BMP7: variants seen among roughly 807,000 people sequenced by gnomAD.
BMP7 encodes the protein bone morphogenetic protein 7, also known as osteogenic protein 1.
In BMP7, 12 loss-of-function variants were observed where a neutral mutation model predicts 41.2. The ratio of observed to expected loss-of-function variants is 0.29; its 90% CI spans 0.19 to 0.47. The LOEUF is 0.47. BMP7 is among the 20% of genes least tolerant of loss of function. The pLI is 0.99. For synonymous variants in BMP7, 248 were observed against 250.0 expected, an observed-to-expected ratio of 0.99 and a Z score of 0.07; for missense variants, 467 against 606.0, an observed-to-expected ratio of 0.77 and a Z score of 2.41.
Position 57,183,773 on chromosome 20 carries a change from G to A in BMP7, c.907C>T (p.Arg303Cys), listed in dbSNP as rs770634021. The A allele has an allele frequency of 1.3e-5, 21 of 1,614,078 alleles. No individual in the cohort carries two copies. The highest frequency in any genetic ancestry group is 2.2e-5 in the South Asian group (2 of 91,088). ...STGSKQRSQN[R>C]SKTPKNQEAL... ...TCCTGGTTCTTGGGCGTCTTGGAGC[G>A]GTTCTGGCTGCGCTGTTTGCTCCCC... The change falls in exon 4 of 7, where the codon CGC becomes TGC. Residue 303 changes from arginine to cysteine, a missense_variant. Transcript: ENST00000395863.
chr20:57,194,379 GCA>G (rs1225854088), intron 3 of BMP7, among the ~76,000 whole-genome samples: 2 of 152,172 alleles, frequency 1.3e-5, no homozygotes, highest in African/African-American at 4.8e-5. Flanking sequence ...CACAGTCGAT[GCA>G]CAGTCAGGAA....
At chr20:57,209,249 T>TATATTTATATATATA (rs1555814048) in intron 2 of BMP7, among the ~76,000 whole-genome samples, 1 of 94,876 alleles carries the variant, frequency 1.1e-5, no homozygotes. Context: ...TTATATATTT[T>TATATTTATATATATA]TATATATATA....
intron 4 of BMP7, among the ~76,000 whole-genome samples, chr20:57,176,441 G>A (rs1983923677): frequency 6.6e-6 from 1 of 152,186 alleles, no homozygotes; most frequent in Admixed American, 6.5e-5. Context: ...TGGCTGCCCT[G>A]TGAAGGCTCA....
chr20:57,250,954 G>A (rs1311968747), intron 1 of BMP7, among the ~76,000 whole-genome samples: 1 of 152,220 alleles, frequency 6.6e-6, no homozygotes, highest in Non-Finnish European at 1.5e-5. Flanking sequence ...CAGCTGCCCT[G>A]ATCCAAGTCC....
intron 1 of BMP7, among the ~76,000 whole-genome samples, chr20:57,239,379 C>T (rs1467900074): frequency 6.6e-6 from 1 of 152,212 alleles, no homozygotes; most frequent in East Asian, 1.9e-4. Context: ...AGGTGGCTTC[C>T]CATGGTCTTA....
At chr20:57,223,608 T>G (rs1451356653) in intron 2 of BMP7, among the ~76,000 whole-genome samples, 1 of 152,170 alleles carries the variant, frequency 6.6e-6, no homozygotes, top group Non-Finnish European at 1.5e-5. Context: ...TTGGGCAAGT[T>G]ACTTCCCACC....
At chr20:57,198,491 C>T (rs967372427) in intron 3 of BMP7, among the ~76,000 whole-genome samples, 1 of 152,238 alleles carries the variant, frequency 6.6e-6, no homozygotes, top group Non-Finnish European at 1.5e-5. Context: ...GCTCCCCGCT[C>T]GGCCTCCTCC....
chr20:57,171,227 C>T lies in BMP7; in HGVS notation c.1147-119G>A. 1.4e-6 allele frequency: 2 copies of T among 1,425,728 alleles called. No homozygotes were observed. The highest frequency in any genetic ancestry group is 2.4e-5 in the South Asian group (2 of 82,668). 88.3% of individuals were successfully genotyped at this position (1,425,728 alleles called of 1,614,324 possible). A position where few individuals can be genotyped will look rare whatever the true frequency, so the allele number is the denominator to read the frequency against. ...ATAATGAATGACTGCAGGTGACACT[C>T]CCCAAGCCAAGCACTCCCTGTTCTA... On this transcript the variant is annotated intron_variant, in intron 6 of 6. Transcript: ENST00000395863. This position sits in a 1 kb window ranked among gnomAD's most constrained non-coding sequence, Gnocchi z 4.5.
At chr20:57,207,119 T>A (rs1340515024) in intron 2 of BMP7, among the ~76,000 whole-genome samples, 1 of 152,206 alleles carries the variant, frequency 6.6e-6, no homozygotes, top group Admixed American at 6.5e-5. Context: ...TAGGACCCAG[T>A]GGAACTGAGG....
rs58851549 is a variant in BMP7 at position 57,236,263 on chromosome 20, C to T, written c.419-7842G>A. Among the ~76,000 whole-genome samples, 1,038 of 152,236 alleles carry T rather than the reference C, an allele frequency of 6.8e-3. 8 individuals carry two copies. Among genetic ancestry groups the T allele is most frequent in the African/African-American group, 0.023 (971 of 41,552 alleles). On this transcript the variant is annotated intron_variant, in intron 1 of 6. Transcript: ENST00000395863. ...AAGAGGGGGAACTAGAGGATGCTGC[C>T]CACTGCCGGCCTGGAATGCCAGGAG...
chr20:57,228,251 C>T lies in BMP7; in HGVS notation c.589G>A (p.Val197Met), dbSNP rs748400220. ...NETFRISVYQ[V>M]LQEHLGRESD... Reference sequence around the variant, plus strand: ...CACCTGCCCAAGTGCTCCTGGAGCACCTGATAAACGCTGATCCGGAACGTC... The same window carrying T: ...CACCTGCCCAAGTGCTCCTGGAGCATCTGATAAACGCTGATCCGGAACGTC... Residue 197 changes from valine (V) to methionine (M), a missense_variant, in exon 2 of 7, where the codon GTG becomes ATG. Around this residue, in one of 2 missense-constraint regions of BMP7, gnomAD observed 407 missense variants for 485.9 expected, o/e 0.84. Transcript: ENST00000395863. The surrounding 1 kb of genome is among the most constrained non-coding windows in gnomAD (Gnocchi z 4.5). 21 of 1,613,718 alleles carry T rather than the reference C, an allele frequency of 1.3e-5. No individual in the cohort carries two copies. The highest frequency in any genetic ancestry group is 1.7e-5 in the Non-Finnish European group (20 of 1,180,030).
At chr20:57,219,057 A>AC (rs1985117640) in intron 2 of BMP7, among the ~76,000 whole-genome samples, 4 of 102,858 alleles carry the variant, frequency 3.9e-5, no homozygotes, top group African/African-American at 2.9e-4. Flanking sequence ...GGTAGCTGGC[A>AC]TTTGTTTGGT....
At chr20:57,188,328 G>A (rs369336688) in intron 3 of BMP7, among the ~76,000 whole-genome samples, 12 of 152,274 alleles carry the variant, frequency 7.9e-5, no homozygotes, top group Middle Eastern at 3.4e-3. Flanking sequence ...CTCGTTACAC[G>A]AAATGGAAGA....
intron 3 of BMP7, among the ~76,000 whole-genome samples, chr20:57,185,433 G>T (rs1043938305): frequency 2.0e-5 from 3 of 152,216 alleles, no homozygotes; most frequent in Admixed American, 2.0e-4. Flanking sequence ...TGAGAAAAAG[G>T]GGAGTCTCAT....
At chr20:57,257,454 G>C (rs1277121577) in intron 1 of BMP7, among the ~76,000 whole-genome samples, 1 of 152,084 alleles carries the variant, frequency 6.6e-6, no homozygotes, top group East Asian at 1.9e-4. Flanking sequence ...TGATTCATTA[G>C]TTAAAATTTG....
Position 57,173,212 on chromosome 20 carries a change from G to T in BMP7, c.1134C>A (p.Ile378=), listed in dbSNP as rs189742184. The part of the protein sequence containing the change: ...NSYMNATNHA[I]VQTLVHFINP... ...GCGTGACACCCACCAGCGTCTGCACGATGGCGTGGTTGGTGGCGTTCATGT... is the reference window on the plus strand; with the variant it reads ...GCGTGACACCCACCAGCGTCTGCACTATGGCGTGGTTGGTGGCGTTCATGT... The change falls in exon 6 of 7, where the codon ATC becomes ATA. Residue 378 remains isoleucine (I), a synonymous_variant. Coordinates refer to ENST00000395863, the MANE Select transcript of BMP7 (RefSeq NM_001719.3). 4 of 1,613,964 alleles carry T rather than the reference G, an allele frequency of 2.5e-6. No homozygotes were observed. Among genetic ancestry groups the T allele is most frequent in the Non-Finnish European group, 3.4e-6 (4 of 1,179,954 alleles).
chr20:57,254,467 C>T (rs1442030016), intron 1 of BMP7, among the ~76,000 whole-genome samples: 1 of 152,098 alleles, frequency 6.6e-6, no homozygotes, highest in Non-Finnish European at 1.5e-5. Flanking sequence ...GCCCATGTGT[C>T]CATGGTATTA....
chr20:57,263,708 C>G (rs1188247978), intron 1 of BMP7, among the ~76,000 whole-genome samples: 1 of 152,116 alleles, frequency 6.6e-6, no homozygotes, highest in Non-Finnish European at 1.5e-5. Context: ...CTGGCTAACC[C>G]CAGGCTTCAG....
At chr20:57,243,031 G>C (rs1427619870) in intron 1 of BMP7, among the ~76,000 whole-genome samples, 1 of 152,158 alleles carries the variant, frequency 6.6e-6, no homozygotes. Context: ...CTAAACAGCT[G>C]TATGTGGCTC....
Sources: gnomAD v4.1 joint callset for allele counts (sites outside exome capture counted in the v4.1 genomes callset) on GRCh38, gnomAD v4.1.1 for gene constraint, gnomAD v4.1.1 regional missense constraint, Gnocchi (gnomAD v3.1) non-coding constraint, MANE v1.5 for transcripts, NCBI Gene and HGNC (gene_info 2026-07-23, HGNC 2026-07-21) for gene names.